Variants in PRKG1 observed in about 807,000 individuals in gnomAD.
PRKG1 encodes cGMP-dependent protein kinase 1.
Under a neutral mutation model 88.1 loss-of-function variants are expected in PRKG1, and 35 were observed. That is an observed-to-expected ratio of 0.40 (90% confidence interval 0.30 to 0.53). The LOEUF (loss-of-function observed/expected upper bound fraction) is 0.53, where lower values mean the gene tolerates loss of function less well. PRKG1 is among the 20% of genes least tolerant of loss of function. The pLI is 0.59. For missense variants in PRKG1, 540 were observed against 839.8 expected (o/e 0.64, Z 4.41); for synonymous variants, 303 against 292.5 (o/e 1.04, Z -0.37).
intron 7 of PRKG1, among the ~76,000 whole-genome samples, chr10:52,073,662 G>A (rs561776429): frequency 1.3e-5 from 2 of 152,216 alleles, no homozygotes; most frequent in Admixed American, 1.3e-4. Context: ...CACAGCACAG[G>A]ACCCAAATAC....
chr10:51,957,305 C>G (rs989091051), intron 5 of PRKG1, among the ~76,000 whole-genome samples: 1 of 121,788 alleles, frequency 8.2e-6, no homozygotes, highest in African/African-American at 3.0e-5. Context: ...TTTCTTTTCT[C>G]TTCTTTCTTT....
intron 8 of PRKG1, among the ~76,000 whole-genome samples, chr10:52,136,410 G>C (rs10824089): frequency 0.39 from 58,480 of 151,618 alleles, 11,921 homozygotes; most frequent in East Asian, 0.64. Flanking sequence ...CTTAGATGGA[G>C]TTAATCTTGC....
chr10:52,284,165 G>A (rs1258649341), intron 14 of PRKG1, among the ~76,000 whole-genome samples: 1 of 151,716 alleles, frequency 6.6e-6, no homozygotes, highest in East Asian at 1.9e-4. Flanking sequence ...TAATAACAAA[G>A]ATTTAAAATA....
intron 5 of PRKG1, among the ~76,000 whole-genome samples, chr10:52,030,429 T>C (rs1845447138): frequency 6.6e-6 from 1 of 152,222 alleles, no homozygotes; most frequent in Admixed American, 6.5e-5. Flanking sequence ...CACTTATGCG[T>C]CTCCTCTGGA....
intron 3 of PRKG1, among the ~76,000 whole-genome samples, chr10:51,500,330 C>T (rs1261466688): frequency 6.6e-6 from 1 of 152,168 alleles, no homozygotes; most frequent in African/African-American, 2.4e-5. Context: ...GAATAATTCA[C>T]TTACTGTTTA....
chr10:51,566,569 G>T (rs1304116109), intron 3 of PRKG1, among the ~76,000 whole-genome samples: 3 of 152,046 alleles, frequency 2.0e-5, no homozygotes, highest in African/African-American at 7.2e-5. Flanking sequence ...TTAGTGAAAA[G>T]AATGTAATGG....
intron 1 of PRKG1, among the ~76,000 whole-genome samples, chr10:51,135,687 C>G (rs903054435): frequency 3.3e-5 from 5 of 151,934 alleles, no homozygotes; most frequent in Non-Finnish European, 7.4e-5. Flanking sequence ...TGGTTAATAA[C>G]AATGTGATTA....
chr10:51,188,331 T>C (rs1837547275), intron 2 of PRKG1, among the ~76,000 whole-genome samples: 1 of 152,014 alleles, frequency 6.6e-6, no homozygotes, highest in Non-Finnish European at 1.5e-5. Context: ...ACTTTTTCCA[T>C]CTTGACAAAC....
intron 2 of PRKG1, among the ~76,000 whole-genome samples, chr10:51,363,002 C>G (rs1842516055): frequency 6.6e-6 from 1 of 151,894 alleles, no homozygotes; most frequent in Non-Finnish European, 1.5e-5. Flanking sequence ...CTGTCCTAGT[C>G]ACCTTCCAGA....
At chr10:51,240,719 C>T (rs1839130302) in intron 2 of PRKG1, among the ~76,000 whole-genome samples, 1 of 152,148 alleles carries the variant, frequency 6.6e-6, no homozygotes, top group Non-Finnish European at 1.5e-5. Flanking sequence ...CAAGAGGGGC[C>T]TCCTCTGTGT....
chr10:51,705,973 T>A (rs1240150556), intron 3 of PRKG1, among the ~76,000 whole-genome samples: 1 of 152,184 alleles, frequency 6.6e-6, no homozygotes, highest in South Asian at 2.1e-4. Context: ...GGGCACCATC[T>A]CCCTTGGCAT....
At chr10:51,407,554 A>G (rs1837955941) in intron 2 of PRKG1, among the ~76,000 whole-genome samples, 1 of 152,196 alleles carries the variant, frequency 6.6e-6, no homozygotes, top group African/African-American at 2.4e-5. Context: ...TATTTCTGCA[A>G]CTCATCACGT....
At chr10:51,838,439 A>T (rs1051719019) in intron 4 of PRKG1, among the ~76,000 whole-genome samples, 3 of 152,214 alleles carry the variant, frequency 2.0e-5, no homozygotes, top group African/African-American at 7.2e-5. Context: ...TGAATAATGA[A>T]GCCCTATAAA....
At chr10:51,093,197 C>T (rs1412205061) in intron 1 of PRKG1, among the ~76,000 whole-genome samples, 2 of 152,140 alleles carry the variant, frequency 1.3e-5, no homozygotes, top group Non-Finnish European at 2.9e-5. Context: ...AATGCAGATT[C>T]TGAGATATCT....
intron 4 of PRKG1, among the ~76,000 whole-genome samples, chr10:51,845,705 G>T (rs529401097): frequency 6.6e-6 from 1 of 152,040 alleles, no homozygotes; most frequent in Non-Finnish European, 1.5e-5. Flanking sequence ...GTGGTTTACG[G>T]TATAATCTCC....
chr10:51,846,399 C>T (rs1442608450), intron 4 of PRKG1, among the ~76,000 whole-genome samples: 2 of 152,166 alleles, frequency 1.3e-5, no homozygotes, highest in South Asian at 2.1e-4. Context: ...GTTAACATAA[C>T]CTCATAACTC....
chr10:51,520,697 T>A (rs1841713000), intron 3 of PRKG1, among the ~76,000 whole-genome samples: 1 of 152,202 alleles, frequency 6.6e-6, no homozygotes, highest in South Asian at 2.1e-4. Flanking sequence ...ATAATATAGA[T>A]AATACTCTAC....
At chr10:52,281,521 C>T (rs1167747688) in intron 13 of PRKG1, among the ~76,000 whole-genome samples, 1 of 152,044 alleles carries the variant, frequency 6.6e-6, no homozygotes, top group African/African-American at 2.4e-5. Context: ...GAAATCAAAT[C>T]AGTGGCAGTT....
chr10:51,336,345 T>C (rs1841876090), intron 2 of PRKG1, among the ~76,000 whole-genome samples: 1 of 151,642 alleles, frequency 6.6e-6, no homozygotes, highest in Non-Finnish European at 1.5e-5. Flanking sequence ...AGAGCAAGAC[T>C]CCATCTCAAA....
Sources: gnomAD v4.1 joint callset for allele counts (sites outside exome capture counted in the v4.1 genomes callset) on GRCh38, gnomAD v4.1.1 for gene constraint, MANE v1.5 for transcripts, NCBI Gene and HGNC (gene_info 2026-07-23, HGNC 2026-07-21) for gene names.